The following LOC400499 variants were observed in gnomAD, a reference collection of about 807,000 sequenced individuals.
chr16:11,480,623 T>G, the LOC400499 span, among the ~76,000 whole-genome samples: 1 of 151,948 alleles, frequency 6.6e-6, no homozygotes, highest in Non-Finnish European at 1.5e-5. Context: ...CAAGTGACAA[T>G]AAGAAGAGAA....
At chr16:11,506,759 G>C in the LOC400499 span, among the ~76,000 whole-genome samples, 6 of 152,178 alleles carry the variant, frequency 3.9e-5, no homozygotes, top group Admixed American at 1.3e-4. Context: ...TTTGTTTCCA[G>C]ACTGAAAAAC....
At chr16:11,387,260 G>A in the LOC400499 span, 1 of 1,232,290 alleles carries the variant, frequency 8.1e-7, no homozygotes, top group Non-Finnish European at 1.0e-6. Context: ...GTCCCCCGCA[G>A]GCAACAGTGG....
chr16:11,460,441 C>G, the LOC400499 span: 1 of 1,495,520 alleles, frequency 6.7e-7, no homozygotes, highest in African/African-American at 1.4e-5. Flanking sequence ...GACTCTAGTG[C>G]TCTCTCCGGA....
the LOC400499 span, among the ~76,000 whole-genome samples, chr16:11,515,037 G>A: frequency 6.6e-6 from 1 of 152,162 alleles, no homozygotes; most frequent in African/African-American, 2.4e-5. Context: ...CGGGCGTGGT[G>A]GCTCATTCCC....
At chr16:11,461,035 C>T in the LOC400499 span, 19 of 1,536,000 alleles carry the variant, frequency 1.2e-5, no homozygotes, top group East Asian at 1.7e-4. Flanking sequence ...GCCAAGGGCA[C>T]GAAGCCCCAC....
At chr16:11,460,960 T>C in the LOC400499 span, 5 of 1,530,396 alleles carry the variant, frequency 3.3e-6, no homozygotes, top group East Asian at 1.2e-4. Flanking sequence ...ACGCAGTGCC[T>C]TACCCAGGAG....
the LOC400499 span, among the ~76,000 whole-genome samples, chr16:11,381,463 T>C: frequency 2.0e-5 from 3 of 152,306 alleles, no homozygotes; most frequent in South Asian, 6.2e-4. Flanking sequence ...GAGTCCTCGG[T>C]CTGATAGATG....
chr16:11,441,106 A>G, the LOC400499 span: 3 of 399,024 alleles, frequency 7.5e-6, no homozygotes, highest in Non-Finnish European at 1.3e-5. Flanking sequence ...GGGCACTGAG[A>G]GAGGTCTCAT....
chr16:11,390,711 A>G, the LOC400499 span, among the ~76,000 whole-genome samples: 1 of 152,312 alleles, frequency 6.6e-6, no homozygotes, highest in Non-Finnish European at 1.5e-5. Flanking sequence ...GGTTCCCACC[A>G]GTCCTAGAAT....
chr16:11,487,569 T>A, the LOC400499 span, among the ~76,000 whole-genome samples: 3 of 151,726 alleles, frequency 2.0e-5, no homozygotes, highest in African/African-American at 7.3e-5. Context: ...GGACACAGAG[T>A]CACACACACC....
chr16:11,442,866 C>A, the LOC400499 span, among the ~76,000 whole-genome samples: 1 of 152,222 alleles, frequency 6.6e-6, no homozygotes, highest in South Asian at 2.1e-4. Context: ...TGTCATCCTG[C>A]CATTTGTTTC....
chr16:11,505,772 G>A, the LOC400499 span, among the ~76,000 whole-genome samples: 1 of 151,996 alleles, frequency 6.6e-6, no homozygotes, highest in Non-Finnish European at 1.5e-5. Context: ...ATACACAATA[G>A]ATTCACATAT....
the LOC400499 span, among the ~76,000 whole-genome samples, chr16:11,506,227 G>T: frequency 6.6e-6 from 1 of 152,078 alleles, no homozygotes. Flanking sequence ...GTTTCACCAT[G>T]TTGGCCAGGC....
chr16:11,455,825 T>C, the LOC400499 span, among the ~76,000 whole-genome samples: 64 of 152,106 alleles, frequency 4.2e-4, no homozygotes, highest in African/African-American at 1.5e-3. Flanking sequence ...TAATCAACTT[T>C]TATAAACTTT....
the LOC400499 span, chr16:11,461,190 G>GA: frequency 6.8e-7 from 1 of 1,470,004 alleles, no homozygotes; most frequent in Non-Finnish European, 9.0e-7. Context: ...CCCAGGCAAA[G>GA]AAGGGACTCA....
chr16:11,502,220 C>T, the LOC400499 span: 32 of 398,784 alleles, frequency 8.0e-5, no homozygotes, highest in South Asian at 3.8e-4. Context: ...CCCAGCAGTG[C>T]GGGGGATCCC....
the LOC400499 span, chr16:11,516,450 A>G: frequency 5.0e-6 from 2 of 397,434 alleles, no homozygotes; most frequent in Admixed American, 4.4e-5. Flanking sequence ...CCCCCACTAG[A>G]TAGCCTTTGT....
chr16:11,379,661 C>T, the LOC400499 span, among the ~76,000 whole-genome samples: 20 of 152,328 alleles, frequency 1.3e-4, no homozygotes, highest in Admixed American at 5.9e-4. Flanking sequence ...ACATTACTGA[C>T]GGGACTTCCC....
At chr16:11,381,915 C>T in the LOC400499 span, among the ~76,000 whole-genome samples, 6 of 151,124 alleles carry the variant, frequency 4.0e-5, no homozygotes, top group Non-Finnish European at 7.4e-5. Context: ...CCTGCTGACT[C>T]TAAAGGGTCC....
Sources: gnomAD v4.1 joint callset for allele counts (sites outside exome capture counted in the v4.1 genomes callset) on GRCh38, gnomAD v4.1.1 for gene constraint, MANE v1.5 for transcripts.